Variants in GRM7 observed in about 807,000 individuals in gnomAD.
The protein encoded by GRM7 is glutamate metabotropic receptor 7.
A neutral mutation model predicts 84.5 loss-of-function variants in GRM7; 35 were observed. The ratio of observed to expected loss-of-function variants is 0.41; its 90% CI spans 0.32 to 0.55. GRM7 has a LOEUF of 0.55. GRM7 is among the 20% of genes least tolerant of loss of function. The pLI is 0.19. For missense variants in GRM7, 1,003 were observed against 1,194.6 expected (o/e 0.84, Z 2.36); for synonymous variants, 487 against 455.1 (o/e 1.07, Z -0.89).
At position 7,644,575 on chromosome 3, in the gene GRM7, T is replaced by G. The variant is rs377066133; in HGVS notation, c.2452-35474T>G. ...AGGAAAAAATGTTATTCCTCAATCT[T>G]TATTCCTCACCATGCTGAAGACTGT... On this transcript the variant is annotated intron_variant, in intron 8 of 9. Transcript: ENST00000357716. Among the ~76,000 whole-genome samples the G allele has an allele frequency of 3.1e-4, 47 of 152,308 alleles. 1 individual carries two copies. The highest frequency in any genetic ancestry group is 9.9e-4 in the African/African-American group (41 of 41,570).
At chr3:6,890,770 C>T (rs1354583721) in intron 1 of GRM7, among the ~76,000 whole-genome samples, 2 of 151,546 alleles carry the variant, frequency 1.3e-5, no homozygotes, top group African/African-American at 2.4e-5. Context: ...GAGCTGAGTT[C>T]AATTCCTGGG....
In GRM7 at chr3:7,261,418, A is replaced by C. The variant is rs75274722; in HGVS notation, c.737-37266A>C. 2.0e-5 allele frequency among the ~76,000 whole-genome samples: 3 copies of C among 152,196 alleles called. No individual in the cohort carries two copies. The South Asian group carries it at 6.2e-4, about 32-fold the overall frequency. ...TTGCCTGAAATTAGGATTGCAACCC[A>C]TGCTTTTTTCTGTTATCCATTTGCT... On this transcript the variant is annotated intron_variant, in intron 2 of 9. Coordinates refer to ENST00000357716, the MANE Select transcript of GRM7 (RefSeq NM_000844.4).
rs762948097 is a variant in GRM7, at chr3:7,306,636, G to A, written c.1017G>A (p.Lys339=). 1 of 1,605,654 alleles carries A rather than the reference G, an allele frequency of 6.2e-7. No homozygotes were observed. The highest frequency in any genetic ancestry group is 8.5e-7 in the Non-Finnish European group (1 of 1,175,664). The change falls in exon 4 of 10, where the codon AAG becomes AAA. Residue 339 remains lysine, a synonymous_variant. Coordinates refer to ENST00000357716, the MANE Select transcript of GRM7 (RefSeq NM_000844.4). ...IAEGAITIQP[K]RATVEGFDAY... is the part of the protein sequence containing the mutation. ...AAGGGGCCATCACCATTCAGCCCAAGCGAGCCACGGTGGAAGGTATGGGTT... is the reference window on the plus strand; with the variant it reads ...AAGGGGCCATCACCATTCAGCCCAAACGAGCCACGGTGGAAGGTATGGGTT...
intron 1 of GRM7, among the ~76,000 whole-genome samples, chr3:7,014,411 G>A (rs1193213255): frequency 6.6e-6 from 1 of 152,080 alleles, no homozygotes; most frequent in Non-Finnish European, 1.5e-5. Flanking sequence ...TGCAATGTCA[G>A]CTCACTGCAA....
intron 4 of GRM7, among the ~76,000 whole-genome samples, chr3:7,322,426 G>A (rs1187276295): frequency 6.6e-6 from 1 of 151,694 alleles, no homozygotes; most frequent in Admixed American, 6.6e-5. Flanking sequence ...TAGTTTTTGG[G>A]GAACAGGTTT....
At chr3:7,706,626 C>T (rs1701397901) in intron 9 of GRM7, among the ~76,000 whole-genome samples, 1 of 152,128 alleles carries the variant, frequency 6.6e-6, no homozygotes, top group Admixed American at 6.6e-5. Flanking sequence ...GGAGTCCTGT[C>T]CACATGCAGT....
chr3:7,607,646 G>A (rs1247264348), intron 8 of GRM7: 1 of 151,854 alleles, frequency 6.6e-6, no homozygotes, highest in Non-Finnish European at 1.5e-5. Context: ...AAAATTGGCT[G>A]GGGAGCGGGG....
At position 7,276,894 on chromosome 3, in the gene GRM7, AT is replaced by A. The variant is rs1699094378; in HGVS notation, c.737-21786del. 2.7e-5 allele frequency among the ~76,000 whole-genome samples: 4 copies of A among 150,452 alleles called. No homozygotes were observed. The South Asian group carries it at 8.5e-4, about 32-fold the overall frequency. ...AGACATATTAGTTGTTACTACTATC[AT>A]TTTGCTTAACAAAAGTTGATTTGTT... On this transcript the variant is annotated intron_variant, in intron 2 of 9. Transcript: ENST00000357716.
chr3:7,037,915 G>C (rs1013546597), intron 1 of GRM7, among the ~76,000 whole-genome samples: 1 of 152,016 alleles, frequency 6.6e-6, no homozygotes, highest in Non-Finnish European at 1.5e-5. Context: ...CATAAACATG[G>C]AAATGTATTC....
At chr3:7,471,556 C>CT (rs1437407459) in intron 7 of GRM7, among the ~76,000 whole-genome samples, 1 of 152,026 alleles carries the variant, frequency 6.6e-6, no homozygotes, top group Non-Finnish European at 1.5e-5. Context: ...TCTCTTCTGC[C>CT]TTTTTTTCTG....
chr3:7,253,118 C>T (rs1036547013), intron 2 of GRM7, among the ~76,000 whole-genome samples: 2 of 149,660 alleles, frequency 1.3e-5, no homozygotes, highest in Non-Finnish European at 3.0e-5. Context: ...TGTATGGATA[C>T]ACCATGCACT....
At position 6,979,225 on chromosome 3, in the gene GRM7, G is replaced by A. The variant is rs1022751861; in HGVS notation, c.519+117318G>A. 5.3e-5 allele frequency among the ~76,000 whole-genome samples: 8 copies of A among 152,246 alleles called. No individual in the cohort carries two copies. The East Asian group carries it at 5.8e-4, about 11-fold the overall frequency. ...AGGAAATTAATGTAAACATTAACAAGGGAGTGATTTCTACAGCAGGGTAGG... is the reference window on the plus strand; with the variant it reads ...AGGAAATTAATGTAAACATTAACAAAGGAGTGATTTCTACAGCAGGGTAGG... On this transcript the variant is annotated intron_variant, in intron 1 of 9. Coordinates refer to ENST00000357716, the MANE Select transcript of GRM7 (RefSeq NM_000844.4).
At chr3:7,221,682 CT>C (rs1357173916) in intron 2 of GRM7, among the ~76,000 whole-genome samples, 3 of 150,886 alleles carry the variant, frequency 2.0e-5, no homozygotes, top group Non-Finnish European at 4.4e-5. Context: ...TAGCTATTTC[CT>C]TCTGTTTTAT....
intron 1 of GRM7, among the ~76,000 whole-genome samples, chr3:6,932,394 A>T (rs977352042): frequency 1.3e-5 from 2 of 152,128 alleles, no homozygotes; most frequent in African/African-American, 4.8e-5. Context: ...AGTGGGGGTT[A>T]TGTGAGCATG....
intron 4 of GRM7, among the ~76,000 whole-genome samples, chr3:7,357,209 A>G (rs1241800354): frequency 1.3e-5 from 2 of 151,916 alleles, no homozygotes; most frequent in Non-Finnish European, 2.9e-5. Context: ...AAACTCCAAG[A>G]CAAATCCAAT....
intron 1 of GRM7, among the ~76,000 whole-genome samples, chr3:6,868,620 C>A (rs1324367171): frequency 6.6e-6 from 1 of 152,268 alleles, no homozygotes; most frequent in African/African-American, 2.4e-5. Flanking sequence ...ATGGCTCTTT[C>A]TAAACTTCAT....
At chr3:7,150,381 A>G (rs975085976) in intron 2 of GRM7, among the ~76,000 whole-genome samples, 5 of 152,170 alleles carry the variant, frequency 3.3e-5, no homozygotes, top group African/African-American at 1.2e-4. Context: ...TTATTTACTG[A>G]TAGAACGAAC....
intron 6 of GRM7, among the ~76,000 whole-genome samples, chr3:7,457,712 T>C: frequency 6.6e-6 from 1 of 152,162 alleles, no homozygotes; most frequent in South Asian, 2.1e-4. Context: ...TAAGGCAAAA[T>C]GTTTTTGTCT....
chr3:7,033,880 T>C (rs547606567), intron 1 of GRM7, among the ~76,000 whole-genome samples: 2 of 152,294 alleles, frequency 1.3e-5, no homozygotes, highest in South Asian at 2.1e-4. Flanking sequence ...GACCAAGTAG[T>C]ATTCATTTGC....
Sources: allele counts gnomAD v4.1 joint callset (sites outside exome capture counted in the v4.1 genomes callset), GRCh38; gene constraint gnomAD v4.1.1; transcripts MANE v1.5; gene names NCBI Gene and HGNC (gene_info 2026-07-23, HGNC 2026-07-21).